Variants in NTNG2 observed in about 807,000 individuals in gnomAD.
NTNG2 encodes the protein netrin-G2.
In NTNG2, 15 loss-of-function variants were observed where a neutral mutation model predicts 47.6. The observed-to-expected ratio is 0.32, with a 90% CI of 0.21 to 0.49. NTNG2 has a LOEUF of 0.49. NTNG2 is among the 20% of genes least tolerant of loss of function. NTNG2 has a pLI of 0.99. For synonymous variants in NTNG2, 307 were observed against 324.6 expected (o/e 0.95, Z 0.58); for missense variants, 578 against 764.6 (o/e 0.76, Z 2.88).
Position 132,162,569 on chromosome 9 carries a change from AGTGTGTGTGTGTGT to A in NTNG2, c.-484+365_-484+378del, listed in dbSNP as rs769570116. ...GTGTGTGTGTGTGAGAGAGAGACAG[AGTGTGTGTGTGTGT>A]GTGTGTGTGTGTGTGTGTGTGTGTG... On this transcript the variant is annotated intron_variant, in intron 1 of 7. Coordinates refer to ENST00000393229, the MANE Select transcript of NTNG2 (RefSeq NM_032536.4). This position sits in a 1 kb window ranked among gnomAD's most constrained non-coding sequence, Gnocchi z 4.6. Among the ~76,000 whole-genome samples the A allele has an allele frequency of 0.016, 1,767 of 112,434 alleles. 40 individuals carry two copies. The highest frequency in any genetic ancestry group is 0.029 in the African/African-American group (818 of 28,316). The allele number at this position is 112,434 out of a possible 152,430, so 73.8% of individuals were successfully genotyped here. A position where few individuals can be genotyped will look rare whatever the true frequency, so the allele number is the denominator to read the frequency against.
intron 3 of NTNG2, among the ~76,000 whole-genome samples, chr9:132,204,271 A>G (rs926073782): frequency 6.6e-6 from 1 of 152,196 alleles, no homozygotes; most frequent in Admixed American, 6.5e-5. Flanking sequence ...GTGGGGGTCT[A>G]GCTGCTCTAT....
chr9:132,195,378 G>A (rs1010535318), intron 2 of NTNG2, among the ~76,000 whole-genome samples: 5 of 151,906 alleles, frequency 3.3e-5, no homozygotes, highest in Admixed American at 6.6e-5. Flanking sequence ...GCGCGATCTC[G>A]GCTTACTGCA....
chr9:132,162,555 T>TGTGTGTGAGA lies in NTNG2; in HGVS notation c.-484+317_-484+318insTGTGTGAGAG, dbSNP rs112179857. Among the ~76,000 whole-genome samples, 18,199 of 139,418 alleles carry TGTGTGTGAGA rather than the reference T, an allele frequency of 0.13. 1,657 individuals are homozygous for TGTGTGTGAGA. The highest frequency in any genetic ancestry group is 0.2 in the Middle Eastern group (56 of 280). The allele number at this position is 139,418 out of a possible 152,430, so 91.5% of individuals were successfully genotyped here. A position where few individuals can be genotyped will look rare whatever the true frequency, so the allele number is the denominator to read the frequency against. Reference sequence around the variant, plus strand: ...GTGAGAGTGTGTGTGTGTGTGTGTGTGAGAGAGAGACAGAGTGTGTGTGTG... The same window carrying TGTGTGTGAGA: ...GTGAGAGTGTGTGTGTGTGTGTGTGTGTGTGTGAGAGAGAGAGAGACAGAGTGTGTGTGTG... On this transcript the variant is annotated intron_variant, in intron 1 of 7. Transcript: ENST00000393229. This position sits in a 1 kb window ranked among gnomAD's most constrained non-coding sequence, Gnocchi z 4.6.
chr9:132,231,859 CTTGGGGTGGGAGG>C lies in NTNG2; in HGVS notation c.1054+1265_1054+1277del. On this transcript the variant is annotated intron_variant, in intron 5 of 7. Transcript: ENST00000393229. The surrounding 1 kb of genome is among the most constrained non-coding windows in gnomAD (Gnocchi z 4.1). ...GCTTCTAGCCTGGGTCCCTGCCTCT[CTTGGGGTGGGAGG>C]GTCGGCAGCCCTGGGCAGAGAGCAG... The C allele has an allele frequency of 1.3e-5, 2 of 156,772 alleles. No homozygotes were observed. The highest frequency in any genetic ancestry group is 6.1e-5 in the Admixed American group (1 of 16,278). 9.7% of individuals were successfully genotyped at this position (156,772 alleles called of 1,614,324 possible).
chr9:132,169,908 C>T (rs1056633036), intron 2 of NTNG2, among the ~76,000 whole-genome samples: 1 of 152,230 alleles, frequency 6.6e-6, no homozygotes, highest in Non-Finnish European at 1.5e-5. Flanking sequence ...TAGTCTCTGG[C>T]AGCATGTGGA....
At chr9:132,188,208 C>T (rs529289583) in intron 2 of NTNG2, among the ~76,000 whole-genome samples, 177 of 152,372 alleles carry the variant, frequency 1.2e-3, no homozygotes, top group Non-Finnish European at 2.2e-3. Context: ...CCCAGGGCCT[C>T]TCCTGGGCAG....
intron 2 of NTNG2, among the ~76,000 whole-genome samples, chr9:132,174,451 G>A (rs1836252255): frequency 6.6e-6 from 1 of 152,246 alleles, no homozygotes; most frequent in African/African-American, 2.4e-5. Flanking sequence ...TGGGGCCCGG[G>A]GGCATCCCGC....
chr9:132,168,261 G>T (rs914019092), intron 2 of NTNG2, among the ~76,000 whole-genome samples: 4 of 152,220 alleles, frequency 2.6e-5, no homozygotes, highest in Admixed American at 6.5e-5. Context: ...GCAGGGCAGG[G>T]CAGAGCTGGG....
At chr9:132,241,193 GTGGGA>G in intron 7 of NTNG2, 149 bp downstream of exon 7, 1 of 1,025,110 alleles carries the variant, frequency 9.8e-7, no homozygotes, top group Non-Finnish European at 1.4e-6. Flanking sequence ...GTGGGGCCTA[GTGGGA>G]CGGGGAAGAG....
At position 132,198,125 on chromosome 9, in the gene NTNG2, C is replaced by T. The variant is rs1190872129; in HGVS notation, c.373C>T (p.Leu125Phe). 1 of 1,613,912 alleles carries T rather than the reference C, an allele frequency of 6.2e-7. No homozygotes were observed. Among genetic ancestry groups the T allele is most frequent in the Admixed American group, 1.7e-5 (1 of 60,032 alleles). Residue 125 changes from leucine (L) to phenylalanine (F), a missense_variant, in exon 3 of 8, where the codon CTT (leucine) becomes TTT (phenylalanine). Coordinates refer to ENST00000393229, the MANE Select transcript of NTNG2 (RefSeq NM_032536.4). ...YPSPLEANIT[L>F]SWNKTVELTD... is the part of the protein sequence containing the mutation. The stretch of plus-strand genomic sequence containing the variant: ...CAGCCCGCTGGAAGCCAACATCACC[C>T]TTTCGTGGAACAAGACCGTGGAGCT...
rs1296468290 is a variant in NTNG2 at position 132,242,307 on chromosome 9, C to A, written c.*196C>A. On this transcript the variant is annotated 3_prime_UTR_variant, in exon 8 of 8. Transcript: ENST00000393229. The surrounding 1 kb of genome is among the most constrained non-coding windows in gnomAD (Gnocchi z 5.9). Reference sequence around the variant, plus strand: ...CCGCAGCAGGGGCGCCTTGGGACTCCGGTCCCCGCGCCTGCGATTTGGTTT... The same window carrying A: ...CCGCAGCAGGGGCGCCTTGGGACTCAGGTCCCCGCGCCTGCGATTTGGTTT... 1 of 189,408 alleles carries A rather than the reference C, an allele frequency of 5.3e-6. No individual in the cohort carries two copies. The highest frequency in any genetic ancestry group is 1.5e-4 in the East Asian group (1 of 6,766). The allele number at this position is 189,408 out of a possible 1,614,324, so 11.7% of individuals were successfully genotyped here.
At chr9:132,168,818 T>C (rs1299169694) in intron 2 of NTNG2, among the ~76,000 whole-genome samples, 1 of 152,188 alleles carries the variant, frequency 6.6e-6, no homozygotes, top group Non-Finnish European at 1.5e-5. Flanking sequence ...TATTAATCAC[T>C]GCCTTAACGT....
rs1016471674 is a variant in NTNG2, at chr9:132,243,879, A to C, written c.*1768A>C. Reference sequence around the variant, plus strand: ...GCCTCCTCTCTCTGCTCCCACCCCCAGCACCCTGCTGACCCGGAAGTGCCT... The same window carrying C: ...GCCTCCTCTCTCTGCTCCCACCCCCCGCACCCTGCTGACCCGGAAGTGCCT... On this transcript the variant is annotated 3_prime_UTR_variant, in exon 8 of 8. Transcript: ENST00000393229. 6.6e-6 allele frequency: 1 copy of C among 152,670 alleles called. No individual in the cohort carries two copies. Among genetic ancestry groups the C allele is most frequent in the Non-Finnish European group, 1.5e-5 (1 of 68,258 alleles). 9.5% of individuals were successfully genotyped at this position (152,670 alleles called of 1,614,324 possible).
chr9:132,174,228 A>ACAGG (rs1310263115), intron 2 of NTNG2, among the ~76,000 whole-genome samples: 9 of 143,372 alleles, frequency 6.3e-5, no homozygotes, highest in Non-Finnish European at 1.1e-4. Flanking sequence ...GGACGGACAG[A>ACAGG]CAGGCAGGCC....
rs541334778 is a variant in NTNG2 at position 132,242,201 on chromosome 9, G to C, written c.*90G>C. ...GGCGTCCGAGGCCGGGCGGTGAGAAGGGTGCGGCCCGAGGTGCTCCCAGGT... is the reference window on the plus strand; with the variant it reads ...GGCGTCCGAGGCCGGGCGGTGAGAACGGTGCGGCCCGAGGTGCTCCCAGGT... On this transcript the variant is annotated 3_prime_UTR_variant, in exon 8 of 8. Coordinates refer to ENST00000393229, the MANE Select transcript of NTNG2 (RefSeq NM_032536.4). This position sits in a 1 kb window ranked among gnomAD's most constrained non-coding sequence, Gnocchi z 5.9. 1.2e-5 allele frequency: 7 copies of C among 562,082 alleles called. No homozygotes were observed. Among genetic ancestry groups the C allele is most frequent in the Non-Finnish European group, 9.2e-6 (4 of 432,874 alleles). The allele number at this position is 562,082 out of a possible 1,614,324, so 34.8% of individuals were successfully genotyped here.
chr9:132,239,337 G>C (rs1442747337), intron 6 of NTNG2, 66 bp downstream of exon 6: 1 of 1,573,682 alleles, frequency 6.4e-7, no homozygotes, highest in African/African-American at 1.4e-5. Flanking sequence ...TGCCCTGCGA[G>C]GTGGCCTCTG....
At chr9:132,167,206 C>T (rs971069457) in intron 2 of NTNG2, among the ~76,000 whole-genome samples, 162 bp downstream of exon 2, 4 of 152,192 alleles carry the variant, frequency 2.6e-5, no homozygotes, top group African/African-American at 9.6e-5. Flanking sequence ...CTTTGTCCCA[C>T]CTTGGAAATG....
chr9:132,174,372 G>T (rs1836242935), intron 2 of NTNG2, among the ~76,000 whole-genome samples: 3 of 146,522 alleles, frequency 2.0e-5, no homozygotes, highest in South Asian at 4.5e-4. Context: ...ACGGACAGAT[G>T]GACGGACGGA....
Position 132,242,041 on chromosome 9 carries a change from C to CCGCCCCG in NTNG2, c.1532_1538dup (p.Thr514ProfsTer49). The stretch of plus-strand genomic sequence containing the variant: ...CTGGACTGCGACCGCGCGCCCGGGG[C>CCGCCCCG]CGCCCCGCGCCCCGCCACCCTGCTC... On this transcript the variant is annotated frameshift_variant, in exon 8 of 8. Transcript: ENST00000393229. LOFTEE classifies it low-confidence loss of function (END_TRUNC). The surrounding 1 kb of genome is among the most constrained non-coding windows in gnomAD (Gnocchi z 5.9). 2.3e-6 allele frequency: 3 copies of CCGCCCCG among 1,279,476 alleles called. No homozygotes were observed. The highest frequency in any genetic ancestry group is 2.9e-6 in the Non-Finnish European group (3 of 1,017,074). The allele number at this position is 1,279,476 out of a possible 1,614,324, so 79.3% of individuals were successfully genotyped here.
Sources: gnomAD v4.1 joint callset for allele counts (sites outside exome capture counted in the v4.1 genomes callset) on GRCh38, gnomAD v4.1.1 for gene constraint, Gnocchi (gnomAD v3.1) non-coding constraint, MANE v1.5 for transcripts, NCBI Gene and HGNC (gene_info 2026-07-23, HGNC 2026-07-21) for gene names.